Variants in HPGDS observed in about 807,000 individuals in gnomAD.
HPGDS encodes hematopoietic prostaglandin D synthase.
In HPGDS, 26 loss-of-function variants were observed where a neutral mutation model predicts 23.1. That is an observed-to-expected ratio of 1.13 (90% CI 0.83 to 1.56). The LOEUF (loss-of-function observed/expected upper bound fraction) is 1.56. HPGDS is among the 40% of genes most tolerant of loss of function. HPGDS has a pLI of 0.00. For missense variants in HPGDS, 268 were observed against 236.4 expected (o/e 1.13, Z -0.88); for synonymous variants, 95 against 77.9 (o/e 1.22, Z -1.16).
rs1294702256 is a variant in HPGDS, at chr4:94,299,180, T to A, written c.*300A>T. 18 of 228,010 alleles carry A rather than the reference T, an allele frequency of 7.9e-5. 1 individual carries two copies. The East Asian group carries it at 1.6e-3, about 20-fold the overall frequency. The allele number at this position is 228,010 out of a possible 1,614,324, so 14.1% of individuals were successfully genotyped here. A position where few individuals can be genotyped will look rare whatever the true frequency, so the allele number is the denominator to read the frequency against. On this transcript the variant is annotated 3_prime_UTR_variant, in exon 6 of 6. Transcript: ENST00000295256. The stretch of plus-strand genomic sequence containing the variant: ...ACATTTTGGGGGAGGGGAAGAATGG[T>A]GTTGCTAAACCATTATGACTGCAAT...
intron 3 of HPGDS, among the ~76,000 whole-genome samples, chr4:94,309,201 A>G (rs930685221): frequency 6.6e-6 from 1 of 151,516 alleles, no homozygotes; most frequent in African/African-American, 2.4e-5. Context: ...TACATGTGCC[A>G]TGTTGGTGTG....
chr4:94,326,991 T>A (rs1385141294), intron 2 of HPGDS, among the ~76,000 whole-genome samples: 1 of 152,086 alleles, frequency 6.6e-6, no homozygotes, highest in East Asian at 1.9e-4. Flanking sequence ...GTGGTGTCTG[T>A]GAGTTTCTCA....
chr4:94,311,102 C>A (rs933795389), intron 3 of HPGDS, among the ~76,000 whole-genome samples: 1 of 152,068 alleles, frequency 6.6e-6, no homozygotes, highest in Admixed American at 6.6e-5. Context: ...TTTGACTTCC[C>A]CTTTTCCTAA....
At chr4:94,304,002 GAAGAT>G (rs1756094717) in intron 4 of HPGDS, 1 of 150,476 alleles carries the variant, frequency 6.6e-6, no homozygotes, top group African/African-American at 2.4e-5. Context: ...ATAACATAAA[GAAGAT>G]AAGATTTGAT....
At chr4:94,308,865 A>G (rs1161989856) in intron 3 of HPGDS, 122 bp from the exon 4 acceptor site, 2 of 497,622 alleles carry the variant, frequency 4.0e-6, no homozygotes, top group East Asian at 3.2e-5. Flanking sequence ...TCCAGTGAAG[A>G]CTAGCTTCCA....
At chr4:94,325,063 C>T (rs778292736) in intron 2 of HPGDS, among the ~76,000 whole-genome samples, 1 of 152,234 alleles carries the variant, frequency 6.6e-6, no homozygotes, top group East Asian at 1.9e-4. Flanking sequence ...CACTCCAGAC[C>T]CTGTTTGCCA....
At position 94,315,269 on chromosome 4, in the gene HPGDS, G is replaced by A. The variant is rs115024995; in HGVS notation, c.226+2604C>T. On this transcript the variant is annotated intron_variant, in intron 3 of 5. Coordinates refer to ENST00000295256, the MANE Select transcript of HPGDS (RefSeq NM_014485.3). The stretch of plus-strand genomic sequence containing the variant: ...TGTAGACTGGAGCTGTTCCTATTCA[G>A]TCATCTTGGAACTGCCTCTCCCACA... 7.7e-3 allele frequency among the ~76,000 whole-genome samples: 1,178 copies of A among 152,258 alleles called. 10 individuals carry two copies. Among genetic ancestry groups the A allele is most frequent in the African/African-American group, 0.027 (1,116 of 41,544 alleles).
At chr4:94,303,889 ATTGTCT>A (rs1756092226) in intron 4 of HPGDS, 1 of 152,092 alleles carries the variant, frequency 6.6e-6, no homozygotes, top group Non-Finnish European at 1.5e-5. Context: ...TTGAGCCCAG[ATTGTCT>A]TTGTAAGTTT....
At chr4:94,300,503 G>A (rs548228645) in intron 5 of HPGDS, among the ~76,000 whole-genome samples, 1 of 152,290 alleles carries the variant, frequency 6.6e-6, no homozygotes, top group African/African-American at 2.4e-5. Context: ...CTGATTGCTA[G>A]TGCCTCAGGA....
intron 4 of HPGDS, among the ~76,000 whole-genome samples, chr4:94,305,672 G>T (rs1579426396): frequency 6.6e-6 from 1 of 152,130 alleles, no homozygotes; most frequent in Admixed American, 6.6e-5. Flanking sequence ...TAAGAACCTG[G>T]GGTTTGAGTC....
Position 94,299,519 on chromosome 4 carries a change from G to A in HPGDS, c.561C>T (p.Val187=), listed in dbSNP as rs768212908. 15 of 1,613,556 alleles carry A rather than the reference G, an allele frequency of 9.3e-6. No individual in the cohort carries two copies. The highest frequency in any genetic ancestry group is 5.0e-5 in the Admixed American group (3 of 59,950). The change falls in exon 6 of 6, where the codon GTC becomes GTT. Residue 187 remains valine, a synonymous_variant. Transcript: ENST00000295256. ...LRKKVQAIPA[V]ANWIKRRPQT... The stretch of plus-strand genomic sequence containing the variant: ...GGGGCCTTCGTTTTATCCAGTTAGC[G>A]ACGGCAGGAATGGCTTGGACTTTCT...
chr4:94,299,376 G>T lies in HPGDS; in HGVS notation c.*104C>A. On this transcript the variant is annotated 3_prime_UTR_variant, in exon 6 of 6. Coordinates refer to ENST00000295256, the MANE Select transcript of HPGDS (RefSeq NM_014485.3). ...TGGCTAAAGTGAAAATCTTAGTGGA[G>T]CTGGGGAGGGAGCATGTGGATTATC... 1.1e-6 allele frequency: 1 copy of T among 931,900 alleles called. No homozygotes were observed. The highest frequency in any genetic ancestry group is 1.6e-6 in the Non-Finnish European group (1 of 641,874). The allele number at this position is 931,900 out of a possible 1,614,324, so 57.7% of individuals were successfully genotyped here.
intron 4 of HPGDS, among the ~76,000 whole-genome samples, chr4:94,306,990 T>C (rs756326942): frequency 8.5e-5 from 13 of 152,060 alleles, no homozygotes; most frequent in South Asian, 2.1e-4. Context: ...AGACTCACCA[T>C]TGCAAAATTT....
chr4:94,320,949 A>T (rs1756495490), intron 2 of HPGDS, among the ~76,000 whole-genome samples: 7 of 152,198 alleles, frequency 4.6e-5, no homozygotes, highest in Admixed American at 4.6e-4. Context: ...ATAAGGTGTA[A>T]GGAAGGGATC....
intron 1 of HPGDS, among the ~76,000 whole-genome samples, chr4:94,339,680 TTCTC>T (rs1427371336): frequency 6.6e-6 from 1 of 152,116 alleles, no homozygotes; most frequent in African/African-American, 2.4e-5. Flanking sequence ...CTTCCTTTCT[TTCTC>T]TTTCTTTCTT....
At chr4:94,336,466 T>C (rs1332059353) in intron 1 of HPGDS, among the ~76,000 whole-genome samples, 1 of 152,176 alleles carries the variant, frequency 6.6e-6, no homozygotes, top group Non-Finnish European at 1.5e-5. Flanking sequence ...CTGGTGCTCC[T>C]TGCTAAAACG....
intron 5 of HPGDS, among the ~76,000 whole-genome samples, chr4:94,300,270 T>C (rs17310498): frequency 0.14 from 21,970 of 152,248 alleles, 1,811 homozygotes; most frequent in Non-Finnish European, 0.19. Context: ...CATTATATTG[T>C]ATCACATAAA....
intron 3 of HPGDS, among the ~76,000 whole-genome samples, chr4:94,310,901 G>C (rs549902451): frequency 1.3e-5 from 2 of 152,268 alleles, no homozygotes; most frequent in South Asian, 4.1e-4. Context: ...TGAAGCAATT[G>C]TGAATGGGAG....
At chr4:94,327,725 T>C (rs530702059) in intron 2 of HPGDS, among the ~76,000 whole-genome samples, 1 of 152,158 alleles carries the variant, frequency 6.6e-6, no homozygotes, top group Non-Finnish European at 1.5e-5. Context: ...TCTGGTATGC[T>C]ACACTGTCTC....
Sources: gnomAD v4.1 joint callset for allele counts (sites outside exome capture counted in the v4.1 genomes callset) on GRCh38, gnomAD v4.1.1 for gene constraint, MANE v1.5 for transcripts, NCBI Gene and HGNC (gene_info 2026-07-23, HGNC 2026-07-21) for gene names.